Variants in ADGRB3 observed in about 807,000 individuals in gnomAD.
ADGRB3 encodes the protein adhesion G protein-coupled receptor B3, also known as brain-specific angiogenesis inhibitor 3.
In ADGRB3, 37 loss-of-function variants were observed where a neutral mutation model predicts 193.4. The observed-to-expected ratio is 0.19, with a 90% CI of 0.15 to 0.25. The LOEUF is 0.25. ADGRB3 is among the 10% of genes least tolerant of loss of function. The probability of loss-of-function intolerance (pLI) is 1.00; values close to 1 mark genes in which losing one functional copy is unlikely to be tolerated. For missense variants in ADGRB3, 1,637 were observed against 1,852.9 expected, an observed-to-expected ratio of 0.88 and a Z score of 2.14; for synonymous variants, 690 against 644.2, an observed-to-expected ratio of 1.07 and a Z score of -1.08.
intron 20 of ADGRB3, among the ~76,000 whole-genome samples, chr6:69,258,372 A>G (rs938085924): frequency 6.6e-6 from 1 of 152,230 alleles, no homozygotes; most frequent in African/African-American, 2.4e-5. Flanking sequence ...TTTCCATAGA[A>G]TACTGACAGA....
chr6:68,717,210 A>G (rs563163857), intron 3 of ADGRB3, among the ~76,000 whole-genome samples: 25 of 151,894 alleles, frequency 1.6e-4, no homozygotes, highest in Non-Finnish European at 1.5e-5. Context: ...CCGTATCAAC[A>G]GTTTTAAGTG....
intron 3 of ADGRB3, among the ~76,000 whole-genome samples, chr6:68,919,180 C>T (rs779492294): frequency 2.2e-4 from 33 of 152,094 alleles, no homozygotes; most frequent in Non-Finnish European, 3.4e-4. Flanking sequence ...CTTTTCAAGC[C>T]GGCGTCCTAT....
At chr6:69,068,079 T>G (rs1771959745) in intron 16 of ADGRB3, among the ~76,000 whole-genome samples, 1 of 152,122 alleles carries the variant, frequency 6.6e-6, no homozygotes, top group Non-Finnish European at 1.5e-5. Flanking sequence ...TGGCTGTATT[T>G]CAATAAAAAG....
rs746694371 is a variant in ADGRB3, at chr6:69,382,841, A to G, written c.4286A>G (p.His1429Arg). 3.1e-6 allele frequency: 5 copies of G among 1,606,824 alleles called. No individual in the cohort carries two copies. In the South Asian group the frequency reaches 5.5e-5, roughly 18 times the overall value. Residue 1429 changes from histidine (H) to arginine (R), a missense_variant, in exon 31 of 32, where the codon CAT (histidine) becomes CGT (arginine). By Grantham distance (29) the His-to-Arg change is conservative (BLOSUM62 0). This residue lies in a region of ADGRB3 where 368 missense variants were observed against 367.4 expected (regional missense o/e 1.00). Coordinates refer to ENST00000370598, the MANE Select transcript of ADGRB3 (RefSeq NM_001704.3). Reference sequence around the variant, plus strand: ...TGTTCTTTTTTGCAGAAGGTCATGCATACAAGGAAGAGGCATATGGAACTA... The same window carrying G: ...TGTTCTTTTTTGCAGAAGGTCATGCGTACAAGGAAGAGGCATATGGAACTA... ...YSDLDFEKVMHTRKRHMELFQ... is the reference protein window; with the variant it reads ...YSDLDFEKVMRTRKRHMELFQ...
intron 11 of ADGRB3, among the ~76,000 whole-genome samples, chr6:69,006,086 AC>A (rs1769741172): frequency 6.6e-6 from 1 of 151,676 alleles, no homozygotes; most frequent in Non-Finnish European, 1.5e-5. Flanking sequence ...TACCTAGAGC[AC>A]TCTTTAGAGA....
chr6:68,787,552 T>C (rs2127364594), intron 3 of ADGRB3, among the ~76,000 whole-genome samples: 1 of 152,310 alleles, frequency 6.6e-6, no homozygotes, highest in East Asian at 1.9e-4. Flanking sequence ...CGGATTCGGT[T>C]TGCCAGTATT....
chr6:69,362,773 A>AT (rs1300751595), intron 29 of ADGRB3, among the ~76,000 whole-genome samples: 1 of 152,026 alleles, frequency 6.6e-6, no homozygotes, highest in Non-Finnish European at 1.5e-5. Flanking sequence ...ATCCTCCTGA[A>AT]TTAGCAGAAT....
intron 17 of ADGRB3, among the ~76,000 whole-genome samples, chr6:69,122,961 T>C (rs530558869): frequency 1.3e-5 from 2 of 150,600 alleles, no homozygotes; most frequent in East Asian, 3.9e-4. Flanking sequence ...TATATGTATG[T>C]ATATATATGT....
chr6:69,300,626 A>T (rs1767930199), intron 20 of ADGRB3, among the ~76,000 whole-genome samples: 1 of 151,878 alleles, frequency 6.6e-6, no homozygotes, highest in Non-Finnish European at 1.5e-5. Flanking sequence ...CAGTTGCAGA[A>T]TACAAAAGCA....
intron 17 of ADGRB3, among the ~76,000 whole-genome samples, chr6:69,142,873 A>AT (rs1335242643): frequency 6.6e-6 from 1 of 151,938 alleles, no homozygotes; most frequent in Admixed American, 6.5e-5. Context: ...TAAGATTGCA[A>AT]TTTTTTTCTT....
chr6:69,167,279 A>C (rs557138933), intron 17 of ADGRB3, among the ~76,000 whole-genome samples: 2 of 152,186 alleles, frequency 1.3e-5, no homozygotes, highest in Non-Finnish European at 2.9e-5. Flanking sequence ...TTTGAGAATC[A>C]GTTTAAAGAA....
At chr6:69,216,987 G>T (rs1765783541) in intron 17 of ADGRB3, among the ~76,000 whole-genome samples, 1 of 152,160 alleles carries the variant, frequency 6.6e-6, no homozygotes, top group Non-Finnish European at 1.5e-5. Context: ...CTGGGAAGGG[G>T]CTTATTGAGG....
intron 17 of ADGRB3, among the ~76,000 whole-genome samples, chr6:69,118,825 G>A (rs1467696158): frequency 6.6e-6 from 1 of 151,900 alleles, no homozygotes; most frequent in East Asian, 1.9e-4. Flanking sequence ...ATAAAGTTTT[G>A]AAAGTGATTT....
At chr6:69,160,226 A>T (rs1477780961) in intron 17 of ADGRB3, among the ~76,000 whole-genome samples, 2 of 152,018 alleles carry the variant, frequency 1.3e-5, no homozygotes, top group African/African-American at 4.8e-5. Flanking sequence ...ACACCCTTCC[A>T]TGTCTTCCCA....
intron 17 of ADGRB3, among the ~76,000 whole-genome samples, chr6:69,194,036 C>T (rs1421545924): frequency 6.6e-6 from 1 of 152,046 alleles, no homozygotes; most frequent in Non-Finnish European, 1.5e-5. Context: ...CTTTCTCATC[C>T]TTCTCATCTT....
At chr6:69,125,041 G>C (rs1427486953) in intron 17 of ADGRB3, among the ~76,000 whole-genome samples, 1 of 152,142 alleles carries the variant, frequency 6.6e-6, no homozygotes, top group East Asian at 1.9e-4. Context: ...TGGGTGGGAA[G>C]AATCACTGCA....
In ADGRB3 at chr6:68,953,627, A is replaced by G. The variant is rs560381292; in HGVS notation, c.1196-2397A>G. 3.3e-4 allele frequency among the ~76,000 whole-genome samples: 50 copies of G among 152,356 alleles called. No homozygotes were observed. The South Asian group carries it at 9.7e-3, about 30-fold the overall frequency. ...CTTTTTAGTCTGGAAAATAGACTAC[A>G]TAACCAATATGATTGTATCAGGCAC... On this transcript the variant is annotated intron_variant, in intron 6 of 31. Coordinates refer to ENST00000370598, the MANE Select transcript of ADGRB3 (RefSeq NM_001704.3).
intron 17 of ADGRB3, among the ~76,000 whole-genome samples, chr6:69,099,929 T>C (rs952733709): frequency 1.3e-5 from 2 of 152,238 alleles, no homozygotes; most frequent in Non-Finnish European, 2.9e-5. Context: ...ATATGAATAT[T>C]TGTGGCTCTT....
intron 3 of ADGRB3, among the ~76,000 whole-genome samples, chr6:68,865,660 T>C (rs562693193): frequency 5.3e-5 from 8 of 152,250 alleles, no homozygotes; most frequent in Non-Finnish European, 7.4e-5. Context: ...ATCAGCAGAA[T>C]GATTCAAGTT....
Sources: allele counts gnomAD v4.1 joint callset (sites outside exome capture counted in the v4.1 genomes callset), GRCh38; gene constraint gnomAD v4.1.1; regional missense constraint gnomAD v4.1.1; transcripts MANE v1.5; gene names NCBI Gene and HGNC (gene_info 2026-07-23, HGNC 2026-07-21).